Variants in SYCP2L observed in about 807,000 individuals in gnomAD.
The protein encoded by SYCP2L is synaptonemal complex protein 2-like.
Under a neutral mutation model 125.8 loss-of-function variants are expected in SYCP2L, and 98 were observed. The ratio of observed to expected loss-of-function variants is 0.78; its 90% CI spans 0.66 to 0.92. SYCP2L has a LOEUF of 0.92. Among genes scored for constraint, SYCP2L ranks in the 40% least tolerant of loss-of-function variants. SYCP2L has a pLI of 0.00. For synonymous variants in SYCP2L, 317 were observed against 325.4 expected, an observed-to-expected ratio of 0.97 and a Z score of 0.28; for missense variants, 842 against 936.4, an observed-to-expected ratio of 0.90 and a Z score of 1.32.
chr6:10,941,399 C>T (rs887520265), intron 21 of SYCP2L, among the ~76,000 whole-genome samples: 51 of 152,286 alleles, frequency 3.3e-4, no homozygotes, highest in African/African-American at 1.2e-3. Context: ...TTGCCATCTA[C>T]TCATCTGACA....
rs1016976631 is a variant in SYCP2L at position 10,907,555 on chromosome 6, G to C, written c.690G>C (p.Gln230His). 5.0e-6 allele frequency: 8 copies of C among 1,611,804 alleles called. No homozygotes were observed. The highest frequency in any genetic ancestry group is 6.8e-6 in the Non-Finnish European group (8 of 1,179,116). ...TLLTVGDYDQQVAISEALCRL... is the reference protein window; with the variant it reads ...TLLTVGDYDQHVAISEALCRL... The stretch of plus-strand genomic sequence containing the variant: ...TTTAATCTCTAGATTATGACCAGCA[G>C]GTTGCTATTTCTGAAGCGCTGTGTA... Residue 230 changes from glutamine to histidine, a missense_variant, in exon 10 of 30, where the codon CAG (glutamine) becomes CAC (histidine). By Grantham distance (24) the Gln-to-His change is conservative (BLOSUM62 0). Transcript: ENST00000283141.
chr6:10,934,406 C>A (rs911005151), intron 20 of SYCP2L, among the ~76,000 whole-genome samples: 28 of 152,130 alleles, frequency 1.8e-4, no homozygotes, highest in African/African-American at 6.5e-4. Context: ...TGGCTGGGTG[C>A]GGTGGCACAT....
intron 23 of SYCP2L, among the ~76,000 whole-genome samples, chr6:10,943,296 A>G (rs1193304336): frequency 6.6e-6 from 1 of 152,068 alleles, no homozygotes; most frequent in Non-Finnish European, 1.5e-5. Flanking sequence ...TTTTTTCTCT[A>G]CTTTTAAAAT....
intron 6 of SYCP2L, among the ~76,000 whole-genome samples, chr6:10,899,329 A>T (rs994431316): frequency 3.3e-5 from 5 of 152,052 alleles, no homozygotes; most frequent in African/African-American, 1.2e-4. Context: ...GGGAGAATTG[A>T]TTGCATCCAG....
At chr6:10,894,797 G>A (rs1449885041) in intron 4 of SYCP2L, among the ~76,000 whole-genome samples, 2 of 152,164 alleles carry the variant, frequency 1.3e-5, no homozygotes, top group African/African-American at 4.8e-5. Context: ...CTGCAGTTCC[G>A]CTCTTTTAGT....
chr6:10,907,892 G>GTTTTTTTTTTTTTGTTT (rs1554105095), intron 10 of SYCP2L, among the ~76,000 whole-genome samples: 2 of 91,922 alleles, frequency 2.2e-5, no homozygotes, highest in African/African-American at 8.3e-5. Flanking sequence ...ATACAGATAG[G>GTTTTTTTTTTTTTGTTT]TTTTTTTTTT....
chr6:10,938,033 G>A (rs2060264389), intron 21 of SYCP2L, among the ~76,000 whole-genome samples: 1 of 152,112 alleles, frequency 6.6e-6, no homozygotes, highest in African/African-American at 2.4e-5. Context: ...AAAAACTGAG[G>A]TGGACAGAAC....
At position 10,902,735 on chromosome 6, in the gene SYCP2L, G is replaced by A. The variant is rs949303454; in HGVS notation, c.525G>A (p.Lys175=). Residue 175 remains lysine (K), a synonymous_variant, in exon 7 of 30, where the codon AAG becomes AAA. Transcript: ENST00000283141. ...LLSLGFLVTE[K]TVNHLLQQEG... is the part of the protein sequence containing the mutation. The stretch of plus-strand genomic sequence containing the variant: ...GCTTAGGATTCCTGGTGACAGAAAA[G>A]ACTGTAAATCATTTGCTTCAACAGG... 2.5e-6 allele frequency: 4 copies of A among 1,614,044 alleles called. No homozygotes were observed. In the African/African-American group the frequency reaches 5.3e-5, roughly 22 times the overall value.
chr6:10,922,203 C>T lies in SYCP2L; in HGVS notation c.1073-2293C>T, dbSNP rs1463682294. Among the ~76,000 whole-genome samples the T allele has an allele frequency of 3.9e-5, 6 of 152,188 alleles. No individual in the cohort carries two copies. In the East Asian group the frequency reaches 9.6e-4, roughly 24 times the overall value. ...ATTTTGTAACTTCATGAATAGATCACGTTTCTGTGGTTCATGGTTTTTAAT... is the reference window on the plus strand; with the variant it reads ...ATTTTGTAACTTCATGAATAGATCATGTTTCTGTGGTTCATGGTTTTTAAT... On this transcript the variant is annotated intron_variant, in intron 14 of 29. Transcript: ENST00000283141.
chr6:10,956,318 C>G (rs1429238230), intron 25 of SYCP2L, 76 bp downstream of exon 25: 1 of 1,083,382 alleles, frequency 9.2e-7, no homozygotes, highest in Non-Finnish European at 1.4e-6. Context: ...ATAAGCCAGA[C>G]AGTACCACAT....
In SYCP2L at chr6:10,967,454, G is replaced by GGTGGGTGT. The variant is rs1781701116; in HGVS notation, c.*37+3614_*37+3615insGGTGTGTG. 2.9e-5 allele frequency among the ~76,000 whole-genome samples: 4 copies of GGTGGGTGT among 138,838 alleles called. No individual in the cohort carries two copies. In the South Asian group the frequency reaches 9.4e-4, roughly 33 times the overall value. The allele number at this position is 138,838 out of a possible 152,430, so 91.1% of individuals were successfully genotyped here. ...TATTAGTTATGTGTATGGGGTAGAG[G>GGTGGGTGT]GTGTGTGTGTGTGTGTGTGTGTGTG... On this transcript the variant is annotated intron_variant, in intron 29 of 29. Transcript: ENST00000283141.
At chr6:10,933,496 A>G (rs1561692429) in intron 20 of SYCP2L, among the ~76,000 whole-genome samples, 1 of 152,186 alleles carries the variant, frequency 6.6e-6, no homozygotes, top group Non-Finnish European at 1.5e-5. Flanking sequence ...AGAGTTTTGA[A>G]TTGAATAGAT....
chr6:10,912,943 TA>T lies in SYCP2L; in HGVS notation c.1072+19del. 1 of 1,611,082 alleles carries T rather than the reference TA, an allele frequency of 6.2e-7. No individual in the cohort carries two copies. The highest frequency in any genetic ancestry group is 8.5e-7 in the Non-Finnish European group (1 of 1,178,414). On this transcript the variant is annotated intron_variant, in intron 14 of 29. Coordinates refer to ENST00000283141, the MANE Select transcript of SYCP2L (RefSeq NM_001040274.3). This position sits in a 1 kb window ranked among gnomAD's most constrained non-coding sequence, Gnocchi z 4.1. ...AGCATAACAGGTAATATGATACATTTAAACAACCCACGTCCAGTTCCAAATA... is the reference window on the plus strand; with the variant it reads ...AGCATAACAGGTAATATGATACATTTAACAACCCACGTCCAGTTCCAAATA...
rs1009245967 is a variant in SYCP2L at position 10,971,784 on chromosome 6, A to G, written c.*38-2168A>G. Among the ~76,000 whole-genome samples, 7 of 118,860 alleles carry G rather than the reference A, an allele frequency of 5.9e-5. No individual in the cohort carries two copies. The South Asian group carries it at 1.0e-3, about 17-fold the overall frequency. 78.0% of individuals were successfully genotyped at this position (118,860 alleles called of 152,430 possible). A position where few individuals can be genotyped will look rare whatever the true frequency, so the allele number is the denominator to read the frequency against. On this transcript the variant is annotated intron_variant, in intron 29 of 29. Transcript: ENST00000283141. ...ATTGCACCTCCTCCTCTGAGGTTCA[A>G]GCGATTCTCCTGCCTAAGAGGCTGG...
intron 22 of SYCP2L, 25 bp downstream of exon 22, chr6:10,942,554 A>G: frequency 6.3e-7 from 1 of 1,592,478 alleles, no homozygotes. Context: ...TTGGTTATTC[A>G]TCTGATTTTC....
chr6:10,951,897 T>TA (rs1253044381), intron 23 of SYCP2L, among the ~76,000 whole-genome samples: 3 of 152,286 alleles, frequency 2.0e-5, no homozygotes, highest in East Asian at 3.9e-4. Flanking sequence ...ATGCCAAACA[T>TA]ACGTTCACTG....
At chr6:10,895,373 C>T (rs1028572246) in intron 4 of SYCP2L, among the ~76,000 whole-genome samples, 11 of 152,204 alleles carry the variant, frequency 7.2e-5, no homozygotes, top group African/African-American at 2.4e-4. Context: ...CAAGTCCTGC[C>T]CCTGTACCCT....
chr6:10,969,334 A>C (rs1232855929), intron 29 of SYCP2L, among the ~76,000 whole-genome samples: 1 of 148,788 alleles, frequency 6.7e-6, no homozygotes, highest in Non-Finnish European at 1.5e-5. Context: ...TTTTGACCTG[A>C]TAATTCCCCT....
chr6:10,961,233 A>G lies in SYCP2L; in HGVS notation c.2256-72A>G, dbSNP rs188268853. 925 of 1,194,766 alleles carry G rather than the reference A, an allele frequency of 7.7e-4. 1 individual carries two copies. Among genetic ancestry groups the G allele is most frequent in the Non-Finnish European group, 1.0e-3 (831 of 807,808 alleles). The allele number at this position is 1,194,766 out of a possible 1,614,324, so 74.0% of individuals were successfully genotyped here. A position where few individuals can be genotyped will look rare whatever the true frequency, so the allele number is the denominator to read the frequency against. On this transcript the variant is annotated intron_variant, in intron 26 of 29. Transcript: ENST00000283141. ...GAGTCTGAAGTATCCTTGTAATCAG[A>G]TGACTTATTAAGAAAGTCTGCTGTC... is the stretch of plus-strand genomic sequence containing the variant.
Sources: allele counts gnomAD v4.1 joint callset (sites outside exome capture counted in the v4.1 genomes callset), GRCh38; gene constraint gnomAD v4.1.1; non-coding constraint Gnocchi (gnomAD v3.1); transcripts MANE v1.5; gene names NCBI Gene and HGNC (gene_info 2026-07-23, HGNC 2026-07-21).